DGKB: variants seen among roughly 807,000 people sequenced by gnomAD.
DGKB encodes the protein 90 kDa diacylglycerol kinase.
A neutral mutation model predicts 114.3 loss-of-function variants in DGKB; 67 were observed. That is an observed-to-expected ratio of 0.59 (90% CI 0.48 to 0.72). DGKB has a LOEUF of 0.72. Ranked by LOEUF, DGKB falls within the 30% of genes least tolerant of loss-of-function variation. The probability of loss-of-function intolerance (pLI) is 0.00; values close to 1 mark genes in which losing one functional copy is unlikely to be tolerated. For synonymous variants in DGKB, 398 were observed against 323.1 expected (o/e 1.23, Z -2.49); for missense variants, 907 against 975.2 (o/e 0.93, Z 0.93).
intron 20 of DGKB, among the ~76,000 whole-genome samples, chr7:14,542,376 G>A (rs1488645102): frequency 6.6e-6 from 1 of 151,880 alleles, no homozygotes; most frequent in African/African-American, 2.4e-5. Flanking sequence ...CTTCTGTTAA[G>A]CCACAACAGT....
At chr7:14,304,028 C>T (rs566448069) in intron 23 of DGKB, among the ~76,000 whole-genome samples, 1 of 144,306 alleles carries the variant, frequency 6.9e-6, no homozygotes, top group Non-Finnish European at 1.5e-5. Flanking sequence ...TGCTATTATA[C>T]ACCATTTGTT....
At chr7:14,337,605 C>T (rs1012203876) in intron 23 of DGKB, among the ~76,000 whole-genome samples, 1 of 152,060 alleles carries the variant, frequency 6.6e-6, no homozygotes, top group South Asian at 2.1e-4. Context: ...CACCATAAAG[C>T]CCACCAACCA....
intron 23 of DGKB, among the ~76,000 whole-genome samples, chr7:14,255,137 C>G (rs1795775895): frequency 6.6e-6 from 1 of 152,190 alleles, no homozygotes; most frequent in African/African-American, 2.4e-5. Flanking sequence ...AACAAAGCAA[C>G]TTTCTTAAAA....
intron 23 of DGKB, among the ~76,000 whole-genome samples, chr7:14,311,694 A>G (rs2128506872): frequency 6.6e-6 from 1 of 152,298 alleles, no homozygotes; most frequent in South Asian, 2.1e-4. Context: ...CTAAAGTTGT[A>G]GAATTAAAGT....
At chr7:14,315,109 C>G in intron 23 of DGKB, among the ~76,000 whole-genome samples, 1 of 147,586 alleles carries the variant, frequency 6.8e-6, no homozygotes, top group East Asian at 2.0e-4. Flanking sequence ...ACCAGGCCTG[C>G]CCTAAAAGAG....
At chr7:14,713,209 TTCTA>T (rs1220007086) in intron 6 of DGKB, among the ~76,000 whole-genome samples, 7 of 152,130 alleles carry the variant, frequency 4.6e-5, no homozygotes, top group Non-Finnish European at 1.0e-4. Context: ...ATTTGCAAGT[TTCTA>T]TCTGTTTTCA....
intron 13 of DGKB, among the ~76,000 whole-genome samples, chr7:14,647,170 G>A (rs2128888320): frequency 6.6e-6 from 1 of 152,154 alleles, no homozygotes; most frequent in South Asian, 2.1e-4. Flanking sequence ...ATTAGAAACT[G>A]TTATGAACAA....
At chr7:14,181,688 T>A (rs1258624975) in intron 23 of DGKB, among the ~76,000 whole-genome samples, 1 of 152,176 alleles carries the variant, frequency 6.6e-6, no homozygotes, top group African/African-American at 2.4e-5. Context: ...AAAAGTTAAG[T>A]GTCAAGAACT....
At chr7:14,852,437 T>C (rs1287288036) in intron 1 of DGKB, among the ~76,000 whole-genome samples, 2 of 114,868 alleles carry the variant, frequency 1.7e-5, no homozygotes, top group Non-Finnish European at 3.5e-5. Context: ...AATCCAAGTT[T>C]TCTTCTTGCT....
At chr7:14,530,193 C>T (rs1791334729) in intron 20 of DGKB, among the ~76,000 whole-genome samples, 2 of 151,346 alleles carry the variant, frequency 1.3e-5, no homozygotes, top group Non-Finnish European at 3.0e-5. Flanking sequence ...TTTACAATTG[C>T]TTTTCAAAAA....
At chr7:14,955,787 A>G (rs998647685) in intron 1 of DGKB, among the ~76,000 whole-genome samples, 1 of 152,092 alleles carries the variant, frequency 6.6e-6, no homozygotes, top group African/African-American at 2.4e-5. Flanking sequence ...AACTTCACAG[A>G]TGATATGTGG....
chr7:14,788,460 T>C (rs747510330), intron 2 of DGKB, among the ~76,000 whole-genome samples: 1 of 152,210 alleles, frequency 6.6e-6, no homozygotes, highest in Non-Finnish European at 1.5e-5. Context: ...GCAAAATAGT[T>C]GTCTGTGAGC....
chr7:14,440,185 T>C (rs1264916724), intron 21 of DGKB, among the ~76,000 whole-genome samples: 1 of 152,046 alleles, frequency 6.6e-6, no homozygotes, highest in Non-Finnish European at 1.5e-5. Flanking sequence ...TGATCACAGG[T>C]TAACATTATC....
At chr7:14,326,334 C>A (rs896642060) in intron 23 of DGKB, among the ~76,000 whole-genome samples, 3 of 151,870 alleles carry the variant, frequency 2.0e-5, no homozygotes, top group East Asian at 3.9e-4. Context: ...TTTTATCATG[C>A]ACCTTTGGGA....
chr7:14,518,542 TTGTG>T (rs1789221928), intron 20 of DGKB, among the ~76,000 whole-genome samples: 2 of 152,012 alleles, frequency 1.3e-5, no homozygotes, highest in Non-Finnish European at 2.9e-5. Context: ...CTTTAAAACT[TTGTG>T]TGTAATATAT....
At chr7:14,487,131 C>G (rs530091164) in intron 20 of DGKB, among the ~76,000 whole-genome samples, 1 of 152,104 alleles carries the variant, frequency 6.6e-6, no homozygotes, top group South Asian at 2.1e-4. Flanking sequence ...TCCAGACTGC[C>G]GAGTGGTAGT....
chr7:14,247,414 G>A (rs555027546), intron 23 of DGKB, among the ~76,000 whole-genome samples: 8 of 152,144 alleles, frequency 5.3e-5, no homozygotes, highest in African/African-American at 1.9e-4. Flanking sequence ...TTAATTTTGT[G>A]AGAAACTTCC....
chr7:14,429,145 A>G (rs564522944), intron 21 of DGKB, among the ~76,000 whole-genome samples: 8 of 152,054 alleles, frequency 5.3e-5, no homozygotes, highest in Non-Finnish European at 1.0e-4. Flanking sequence ...AGAAAATACT[A>G]TTTATTTTCA....
At chr7:14,318,964 A>G (rs1489714692) in intron 23 of DGKB, among the ~76,000 whole-genome samples, 1 of 152,210 alleles carries the variant, frequency 6.6e-6, no homozygotes, top group Non-Finnish European at 1.5e-5. Flanking sequence ...GCCATAAAAA[A>G]TGATGCGTTC....
Sources: gnomAD v4.1 joint callset for allele counts (sites outside exome capture counted in the v4.1 genomes callset) on GRCh38, gnomAD v4.1.1 for gene constraint, MANE v1.5 for transcripts, NCBI Gene and HGNC (gene_info 2026-07-23, HGNC 2026-07-21) for gene names.